PEBP4: variants seen among roughly 807,000 people sequenced by gnomAD.
PEBP4 encodes phosphatidylethanolamine-binding protein 4.
A neutral mutation model predicts 23.9 loss-of-function variants in PEBP4; 22 were observed. That is an observed-to-expected ratio of 0.92 (90% CI 0.66 to 1.31). PEBP4 has a LOEUF of 1.31. Among genes scored for constraint, PEBP4 ranks in the 40% most tolerant of loss-of-function variants. PEBP4 has a pLI of 0.00. For missense variants in PEBP4, 324 were observed against 281.7 expected (o/e 1.15, Z -1.07); for synonymous variants, 112 against 99.3 (o/e 1.13, Z -0.76).
chr8:22,932,359 T>A (rs765873680), upstream of PEBP4, among the ~76,000 whole-genome samples: 3 of 152,176 alleles, frequency 2.0e-5, no homozygotes, highest in Non-Finnish European at 4.4e-5. Flanking sequence ...TATCTATACA[T>A]ATACTAAAAA....
chr8:22,765,589 C>A (rs1805596673), intron 4 of PEBP4, among the ~76,000 whole-genome samples: 1 of 152,218 alleles, frequency 6.6e-6, no homozygotes, highest in Non-Finnish European at 1.5e-5. Context: ...CCAAAGCTAG[C>A]ATAATAGAAA....
At chr8:22,751,011 G>A (rs980828196) in intron 4 of PEBP4, among the ~76,000 whole-genome samples, 1 of 152,216 alleles carries the variant, frequency 6.6e-6, no homozygotes, top group African/African-American at 2.4e-5. Context: ...ACACATTCAA[G>A]TGTTGACAAG....
intron 4 of PEBP4, among the ~76,000 whole-genome samples, chr8:22,810,489 G>A (rs1806595221): frequency 6.6e-6 from 1 of 152,096 alleles, no homozygotes; most frequent in African/African-American, 2.4e-5. Context: ...GAGGCTCAAA[G>A]GACAGTGAAA....
At chr8:22,881,718 A>T (rs568423737) in intron 3 of PEBP4, among the ~76,000 whole-genome samples, 1 of 152,300 alleles carries the variant, frequency 6.6e-6, no homozygotes, top group African/African-American at 2.4e-5. Flanking sequence ...CAAGCCATCC[A>T]GTCCTACATG....
intron 3 of PEBP4, among the ~76,000 whole-genome samples, chr8:22,828,458 C>T (rs1429370503): frequency 1.3e-5 from 2 of 152,196 alleles, no homozygotes; most frequent in African/African-American, 4.8e-5. Context: ...CCACTGACAA[C>T]AAGCCATCTC....
At chr8:22,788,252 A>T (rs1317149632) in intron 4 of PEBP4, among the ~76,000 whole-genome samples, 1 of 152,142 alleles carries the variant, frequency 6.6e-6, no homozygotes, top group African/African-American at 2.4e-5. Flanking sequence ...TCTAACTATC[A>T]CCGAGAAACC....
chr8:22,918,582 G>A (rs1186969515), intron 3 of PEBP4, among the ~76,000 whole-genome samples: 4 of 152,188 alleles, frequency 2.6e-5, no homozygotes, highest in Non-Finnish European at 5.9e-5. Context: ...CCATCTAGTG[G>A]ATGTCTGCAG....
intron 2 of PEBP4, among the ~76,000 whole-genome samples, chr8:22,926,405 C>T (rs943000457): frequency 1.3e-5 from 2 of 152,150 alleles, no homozygotes; most frequent in South Asian, 2.1e-4. Flanking sequence ...AATGCAGTGG[C>T]GCAATCATGG....
intron 4 of PEBP4, among the ~76,000 whole-genome samples, chr8:22,735,583 A>C (rs1435273448): frequency 2.0e-5 from 3 of 152,196 alleles, no homozygotes; most frequent in Non-Finnish European, 2.9e-5. Context: ...CTGAGACTCA[A>C]AGCTCTCAGC....
chr8:22,821,022 G>C (rs969619723), intron 3 of PEBP4, among the ~76,000 whole-genome samples: 23 of 151,942 alleles, frequency 1.5e-4, no homozygotes, highest in Non-Finnish European at 3.2e-4. Flanking sequence ...GCAAAATCTT[G>C]TCTCTACAAA....
rs537606019 is a variant in PEBP4, at chr8:22,921,614, G to A, written c.132-1304C>T. On this transcript the variant is annotated intron_variant, in intron 2 of 6. Transcript: ENST00000256404. ...TGGCAGCCCCGGACCAGGACACTTC[G>A]GTGGGCCAGCGCCCCCAGTGCCAGA... is the stretch of plus-strand genomic sequence containing the variant. 4.6e-5 allele frequency among the ~76,000 whole-genome samples: 7 copies of A among 152,324 alleles called. No individual in the cohort carries two copies. The South Asian group carries it at 1.2e-3, about 27-fold the overall frequency.
At chr8:22,917,729 T>C (rs1412872505) in intron 3 of PEBP4, among the ~76,000 whole-genome samples, 1 of 152,206 alleles carries the variant, frequency 6.6e-6, no homozygotes, top group Non-Finnish European at 1.5e-5. Flanking sequence ...TCAGTCCTTG[T>C]AGATTAAGGG....
chr8:22,725,089 T>C (rs1804596884), intron 5 of PEBP4, 133 bp from the exon 6 acceptor site: 1 of 635,908 alleles, frequency 1.6e-6, no homozygotes, highest in Admixed American at 2.9e-5. Context: ...AACATTAGGA[T>C]TTGTATTTGG....
intron 3 of PEBP4, among the ~76,000 whole-genome samples, chr8:22,843,964 A>G (rs1034896127): frequency 2.0e-5 from 3 of 152,200 alleles, no homozygotes; most frequent in Non-Finnish European, 2.9e-5. Context: ...AGAGCAAGTC[A>G]ACTCAAATCC....
chr8:22,838,982 T>C (rs913591557), intron 3 of PEBP4, among the ~76,000 whole-genome samples: 31 of 152,168 alleles, frequency 2.0e-4, no homozygotes, highest in African/African-American at 7.2e-4. Context: ...TCTGAAATAA[T>C]TGCAGTTGTA....
rs113133723 is a variant in PEBP4 at position 22,765,116 on chromosome 8, T to TCTTCCTTCCTTCCTTCCTTCCTTCCTTC, written c.358-37924_358-37897dup. On this transcript the variant is annotated intron_variant, in intron 4 of 6. Coordinates refer to ENST00000256404, the MANE Select transcript of PEBP4 (RefSeq NM_144962.3). ...TTCTTTCCTTCTTCCTTCCTTTATT[T>TCTTCCTTCCTTCCTTCCTTCCTTCCTTC]CTTCCTTCCTTCCTTCCTTCCTTCC... 6.5e-4 allele frequency among the ~76,000 whole-genome samples: 94 copies of TCTTCCTTCCTTCCTTCCTTCCTTCCTTC among 145,006 alleles called. 1 individual carries two copies. The highest frequency in any genetic ancestry group is 1.1e-3 in the East Asian group (5 of 4,746).
chr8:22,857,241 TAC>T (rs35324307), intron 3 of PEBP4, among the ~76,000 whole-genome samples: 42,623 of 147,918 alleles, frequency 0.29, 6,754 homozygotes, highest in East Asian at 0.58. Flanking sequence ...AAATGAAACC[TAC>T]ACACACACAC....
chr8:22,835,985 T>C (rs989720600), intron 3 of PEBP4, among the ~76,000 whole-genome samples: 1 of 152,240 alleles, frequency 6.6e-6, no homozygotes, highest in Non-Finnish European at 1.5e-5. Context: ...AACAGTGTGA[T>C]GCAGGGAAAA....
chr8:22,900,180 A>G (rs1808683689), intron 3 of PEBP4, among the ~76,000 whole-genome samples: 1 of 152,222 alleles, frequency 6.6e-6, no homozygotes, highest in Non-Finnish European at 1.5e-5. Flanking sequence ...AAGGCACAGT[A>G]AGAATGACTT....
Sources: gnomAD v4.1 joint callset for allele counts (sites outside exome capture counted in the v4.1 genomes callset) on GRCh38, gnomAD v4.1.1 for gene constraint, MANE v1.5 for transcripts, NCBI Gene and HGNC (gene_info 2026-07-23, HGNC 2026-07-21) for gene names.